Variants in PPFIA2 observed in about 807,000 individuals in gnomAD.
PPFIA2 encodes liprin-alpha-2.
A neutral mutation model predicts 175.5 loss-of-function variants in PPFIA2; 46 were observed. That is an observed-to-expected ratio of 0.26 (90% CI 0.21 to 0.34). PPFIA2 has a LOEUF of 0.34. PPFIA2 is among the 10% of genes least tolerant of loss of function. The pLI, the probability that PPFIA2 is intolerant of heterozygous loss-of-function variation, is 1.00. For missense variants in PPFIA2, 1,179 were observed against 1,506.1 expected, an observed-to-expected ratio of 0.78 and a Z score of 3.60; for synonymous variants, 568 against 511.4, an observed-to-expected ratio of 1.11 and a Z score of -1.49.
chr12:81,311,132 C>T (rs79311041), intron 22 of PPFIA2, among the ~76,000 whole-genome samples: 2 of 152,078 alleles, frequency 1.3e-5, no homozygotes, highest in African/African-American at 4.8e-5. Context: ...TTTTATTTTA[C>T]TTTTTTACTT....
At chr12:81,640,796 T>C (rs181920374) in intron 4 of PPFIA2, among the ~76,000 whole-genome samples, 28 of 152,186 alleles carry the variant, frequency 1.8e-4, no homozygotes, top group African/African-American at 6.5e-4. Context: ...ATTAAGTACA[T>C]AGTTATTTAT....
At chr12:81,726,318 A>G (rs1206324977) in intron 3 of PPFIA2, among the ~76,000 whole-genome samples, 1 of 151,188 alleles carries the variant, frequency 6.6e-6, no homozygotes, top group African/African-American at 2.4e-5. Flanking sequence ...AAACATCCTG[A>G]TATCTGTCTG....
chr12:81,701,157 A>G (rs1279065842), intron 3 of PPFIA2, among the ~76,000 whole-genome samples: 1 of 152,186 alleles, frequency 6.6e-6, no homozygotes, highest in Non-Finnish European at 1.5e-5. Flanking sequence ...CATCTGTGAG[A>G]TGCAGGCCAT....
At position 81,490,195 on chromosome 12, in the gene PPFIA2, G is replaced by A. The variant is rs566377479; in HGVS notation, c.304-32329C>T. Among the ~76,000 whole-genome samples the A allele has an allele frequency of 5.3e-5, 8 of 152,046 alleles. No homozygotes were observed. In the East Asian group the frequency reaches 1.2e-3, roughly 22 times the overall value. On this transcript the variant is annotated intron_variant, in intron 4 of 32. Transcript: ENST00000549396. ...ATCCAAAGATAGGTTTACTCGTGGAGTTTTAGGAGTTATAAGGTCAGCCTT... is the reference window on the plus strand; with the variant it reads ...ATCCAAAGATAGGTTTACTCGTGGAATTTTAGGAGTTATAAGGTCAGCCTT...
At chr12:81,359,419 A>G (rs1259175866) in intron 15 of PPFIA2, among the ~76,000 whole-genome samples, 1 of 151,928 alleles carries the variant, frequency 6.6e-6, no homozygotes, top group African/African-American at 2.4e-5. Flanking sequence ...AATCAAGTAA[A>G]CAGGTTTTAT....
chr12:81,694,270 T>A (rs2075625509), intron 3 of PPFIA2, among the ~76,000 whole-genome samples: 2 of 152,026 alleles, frequency 1.3e-5, no homozygotes, highest in African/African-American at 4.8e-5. Flanking sequence ...TTCAGAAAAC[T>A]GTGTGGCAGC....
intron 3 of PPFIA2, among the ~76,000 whole-genome samples, chr12:81,715,717 A>G (rs2078520572): frequency 6.6e-6 from 1 of 151,852 alleles, no homozygotes; most frequent in Non-Finnish European, 1.5e-5. Flanking sequence ...AAGGAAATCT[A>G]TATCACATAA....
intron 8 of PPFIA2, among the ~76,000 whole-genome samples, chr12:81,401,088 G>T (rs919932779): frequency 1.3e-5 from 2 of 151,942 alleles, no homozygotes; most frequent in Admixed American, 6.6e-5. Context: ...CACTCACCTT[G>T]TACGGGTCCC....
intron 3 of PPFIA2, among the ~76,000 whole-genome samples, chr12:81,681,841 T>A (rs2153576836): frequency 6.6e-6 from 1 of 152,112 alleles, no homozygotes; most frequent in South Asian, 2.1e-4. Flanking sequence ...AATTTGGCTA[T>A]CGAATACAGT....
chr12:81,554,851 T>C (rs1362677209), intron 4 of PPFIA2, among the ~76,000 whole-genome samples: 7 of 152,004 alleles, frequency 4.6e-5, no homozygotes, highest in Non-Finnish European at 7.4e-5. Flanking sequence ...TGTTCAGAAA[T>C]GTATACCAAA....
At chr12:81,354,541 T>C (rs971195422) in intron 16 of PPFIA2, among the ~76,000 whole-genome samples, 26 of 152,208 alleles carry the variant, frequency 1.7e-4, no homozygotes, top group South Asian at 2.1e-4. Flanking sequence ...TCTAGTTCTC[T>C]TGTTATTTTC....
intron 4 of PPFIA2, among the ~76,000 whole-genome samples, chr12:81,471,879 G>T (rs1313701710): frequency 6.6e-6 from 1 of 152,068 alleles, no homozygotes; most frequent in Non-Finnish European, 1.5e-5. Context: ...AAATTTTTGA[G>T]GTGATGAACA....
intron 7 of PPFIA2, chr12:81,417,485 G>A (rs2045507644): frequency 6.6e-6 from 1 of 151,370 alleles, no homozygotes; most frequent in South Asian, 2.1e-4. Flanking sequence ...TTTGAAAAGT[G>A]CTTGAAAAAA....
intron 28 of PPFIA2, 45 bp from the exon 29 acceptor site, chr12:81,268,132 CTTTTTTTT>C (rs746893824): frequency 8.8e-5 from 56 of 638,030 alleles, no homozygotes; most frequent in East Asian, 2.6e-4. Context: ...ATTTTTCTTT[CTTTTTTTT>C]TTTTTTTTTT....
At chr12:81,311,538 C>T (rs982567826) in intron 22 of PPFIA2, among the ~76,000 whole-genome samples, 4 of 151,894 alleles carry the variant, frequency 2.6e-5, no homozygotes, top group East Asian at 3.9e-4. Flanking sequence ...TCGAGACCAT[C>T]CTGACTAACA....
chr12:81,535,658 A>AC, intron 4 of PPFIA2: 1 of 273,856 alleles, frequency 3.7e-6, no homozygotes, highest in South Asian at 3.4e-5. Context: ...CACACACACA[A>AC]AACTAGTGAG....
At chr12:81,453,099 C>G (rs1351103178) in intron 5 of PPFIA2, among the ~76,000 whole-genome samples, 1 of 150,122 alleles carries the variant, frequency 6.7e-6, no homozygotes, top group Non-Finnish European at 1.5e-5. Context: ...CACCCACTAA[C>G]TCGTCATCTA....
chr12:81,632,445 A>G (rs1488474060), intron 4 of PPFIA2, among the ~76,000 whole-genome samples: 3 of 152,254 alleles, frequency 2.0e-5, no homozygotes, highest in African/African-American at 4.8e-5. Context: ...GACACAAAAT[A>G]TCATCTCTTA....
At chr12:81,638,473 G>A (rs1287701684) in intron 4 of PPFIA2, among the ~76,000 whole-genome samples, 1 of 151,932 alleles carries the variant, frequency 6.6e-6, no homozygotes, top group East Asian at 1.9e-4. Context: ...TACAAAGAGA[G>A]CCATAAGTTA....
Sources: gnomAD v4.1 joint callset for allele counts (sites outside exome capture counted in the v4.1 genomes callset) on GRCh38, gnomAD v4.1.1 for gene constraint, MANE v1.5 for transcripts, NCBI Gene and HGNC (gene_info 2026-07-23, HGNC 2026-07-21) for gene names.